The following TIAM1 variants were observed in gnomAD, a reference collection of about 807,000 sequenced individuals.
The protein encoded by TIAM1 is TIAM Rac1 associated GEF 1.
In TIAM1, 65 loss-of-function variants were observed where a neutral mutation model predicts 163.5. The ratio of observed to expected loss-of-function variants is 0.40; its 90% CI spans 0.33 to 0.49. TIAM1 has a LOEUF of 0.49. TIAM1 is among the 20% of genes least tolerant of loss of function. The pLI is 0.77. For missense variants in TIAM1, 1,789 were observed against 2,044.7 expected (o/e 0.87, Z 2.41); for synonymous variants, 833 against 810.1 (o/e 1.03, Z -0.48).
At chr21:31,348,828 T>C (rs2076190194), upstream of TIAM1, among the ~76,000 whole-genome samples, 1 of 152,226 alleles carries the variant, frequency 6.6e-6, no homozygotes, top group African/African-American at 2.4e-5. Context: ...TTCATTAAAT[T>C]TGATTTGATA....
chr21:31,511,593 C>T (rs2047212485), intron 1 of TIAM1, among the ~76,000 whole-genome samples: 1 of 152,158 alleles, frequency 6.6e-6, no homozygotes, highest in Admixed American at 6.5e-5. Flanking sequence ...GGCACCGAGT[C>T]CAAGCTATGC....
chr21:31,168,634 T>C (rs113118197), intron 15 of TIAM1, among the ~76,000 whole-genome samples: 1 of 152,136 alleles, frequency 6.6e-6, no homozygotes. Context: ...TCTCCTAACC[T>C]CGTGATCCAC....
intron 6 of TIAM1, among the ~76,000 whole-genome samples, chr21:31,240,231 G>A: frequency 6.6e-6 from 1 of 152,110 alleles, no homozygotes; most frequent in East Asian, 1.9e-4. Flanking sequence ...TGGGGTAGGA[G>A]GGTTAAGAAC....
intron 14 of TIAM1, 98 bp downstream of exon 14, chr21:31,186,903 A>G: frequency 9.8e-7 from 1 of 1,018,668 alleles, no homozygotes; most frequent in Non-Finnish European, 1.5e-6. Flanking sequence ...AATACTTTCC[A>G]CAAATGAATC....
intron 6 of TIAM1, among the ~76,000 whole-genome samples, chr21:31,229,897 C>T (rs2088309560): frequency 6.6e-6 from 1 of 152,204 alleles, no homozygotes; most frequent in Admixed American, 6.5e-5. Flanking sequence ...AGGTGATCCA[C>T]CCGCCTCGGC....
intron 16 of TIAM1, among the ~76,000 whole-genome samples, chr21:31,156,703 A>T (rs1284022092): frequency 6.6e-6 from 1 of 152,232 alleles, no homozygotes; most frequent in African/African-American, 2.4e-5. Context: ...AAAACTCATT[A>T]TAACACAGTC....
chr21:31,409,586 C>G (rs1057198120), intron 2 of TIAM1, among the ~76,000 whole-genome samples: 1 of 152,180 alleles, frequency 6.6e-6, no homozygotes, highest in Non-Finnish European at 1.5e-5. Context: ...ATGCTCAGCT[C>G]CACACACCAG....
Position 31,266,866 on chromosome 21 carries a change from G to A in TIAM1, c.107C>T (p.Thr36Met), listed in dbSNP as rs771171489. Residue 36 changes from threonine to methionine, a missense_variant, in exon 4 of 28, where the codon ACG becomes ATG. Physicochemically the swap from Thr to Met is moderately conservative, Grantham distance 81. Around this residue, in one of 5 missense-constraint regions of TIAM1, gnomAD observed 555 missense variants for 564.9 expected, o/e 0.98. Coordinates refer to ENST00000541036, the MANE Select transcript of TIAM1 (RefSeq NM_001353694.2). ...TSRSLRLSHK[T>M]RRTRHASSGK... ...CGAGGAAGCGTGCCTGGTCCTCCGC[G>A]TCTTGTGCGAGAGGCGCAGGGAGCG... 102 of 1,614,140 alleles carry A rather than the reference G, an allele frequency of 6.3e-5. 1 individual carries two copies. In the South Asian group the frequency reaches 6.7e-4, roughly 11 times the overall value.
At chr21:31,298,735 G>GGGGTGTGTGTGTGT (rs1555923380) in intron 2 of TIAM1, among the ~76,000 whole-genome samples, 4 of 138,482 alleles carry the variant, frequency 2.9e-5, no homozygotes, top group East Asian at 2.1e-4. Context: ...TCCAATTGAG[G>GGGGTGTGTGTGTGT]GTGTGTGTGT....
chr21:31,393,074 G>A (rs1182004986), intron 2 of TIAM1, among the ~76,000 whole-genome samples: 2 of 151,658 alleles, frequency 1.3e-5, no homozygotes, highest in Admixed American at 1.3e-4. Flanking sequence ...TCATGCCTCA[G>A]CCTCCCAAGT....
intron 15 of TIAM1, among the ~76,000 whole-genome samples, chr21:31,168,202 C>T (rs1031301002): frequency 6.6e-6 from 1 of 151,424 alleles, no homozygotes; most frequent in Non-Finnish European, 1.5e-5. Flanking sequence ...AAGTGATTCT[C>T]CTGCCTCAGC....
At chr21:31,296,830 A>AT (rs1332185724) in intron 2 of TIAM1, among the ~76,000 whole-genome samples, 27 of 152,036 alleles carry the variant, frequency 1.8e-4, no homozygotes, top group East Asian at 5.8e-4. Flanking sequence ...CGCCCAGCTA[A>AT]TTTTTTGTAT....
chr21:31,240,166 C>T lies in TIAM1; in HGVS notation c.1584+5322G>A, dbSNP rs117652354. Among the ~76,000 whole-genome samples, 578 of 152,168 alleles carry T rather than the reference C, an allele frequency of 3.8e-3. 2 individuals are homozygous for T. The highest frequency in any genetic ancestry group is 5.9e-3 in the Non-Finnish European group (401 of 68,004). On this transcript the variant is annotated intron_variant, in intron 6 of 27. Transcript: ENST00000541036. Reference sequence around the variant, plus strand: ...GGTATACTGGCATAACTGTTAATAGCGTCTACTCTCGAAAGTGTCCTGGTG... The same window carrying T: ...GGTATACTGGCATAACTGTTAATAGTGTCTACTCTCGAAAGTGTCCTGGTG...
rs1311460570 is a variant in TIAM1, at chr21:31,217,537, C to A, written c.2142+16G>T. The stretch of plus-strand genomic sequence containing the variant: ...TGATTTGTGCGGGCTCACTTTTCAT[C>A]TGCTCTGGAACCTACCTGATTGATG... On this transcript the variant is annotated intron_variant, in intron 9 of 27. Coordinates refer to ENST00000541036, the MANE Select transcript of TIAM1 (RefSeq NM_001353694.2). 6.2e-6 allele frequency: 10 copies of A among 1,610,566 alleles called. No homozygotes were observed. Among genetic ancestry groups the A allele is most frequent in the African/African-American group, 1.3e-5 (1 of 74,802 alleles).
chr21:31,367,383 G>A (rs2076521284), intron 2 of TIAM1, among the ~76,000 whole-genome samples: 1 of 152,134 alleles, frequency 6.6e-6, no homozygotes, highest in Non-Finnish European at 1.5e-5. Flanking sequence ...AACAGAATGG[G>A]ACTAGAAGTA....
intron 1 of TIAM1, among the ~76,000 whole-genome samples, chr21:31,526,478 T>G (rs1187252697): frequency 6.6e-6 from 1 of 152,232 alleles, no homozygotes; most frequent in African/African-American, 2.4e-5. Flanking sequence ...TAAGTCATTC[T>G]GAACAGAAAA....
intron 3 of TIAM1, among the ~76,000 whole-genome samples, chr21:31,274,795 G>A (rs2073216813): frequency 6.6e-6 from 1 of 152,124 alleles, no homozygotes; most frequent in Non-Finnish European, 1.5e-5. Context: ...CCTTGAGACA[G>A]CTAAAAATTT....
chr21:31,382,666 T>C (rs1201344429), intron 2 of TIAM1, among the ~76,000 whole-genome samples: 2 of 152,190 alleles, frequency 1.3e-5, no homozygotes, highest in Non-Finnish European at 2.9e-5. Flanking sequence ...TTTTGACAGT[T>C]TATAAAACAG....
At chr21:31,438,658 CT>C (rs2044308760) in intron 2 of TIAM1, among the ~76,000 whole-genome samples, 1 of 152,218 alleles carries the variant, frequency 6.6e-6, no homozygotes, top group Non-Finnish European at 1.5e-5. Context: ...CCCAAGTCCT[CT>C]TTTGTATCCC....
Sources: gnomAD v4.1 joint callset for allele counts (sites outside exome capture counted in the v4.1 genomes callset) on GRCh38, gnomAD v4.1.1 for gene constraint, gnomAD v4.1.1 regional missense constraint, MANE v1.5 for transcripts, NCBI Gene and HGNC (gene_info 2026-07-23, HGNC 2026-07-21) for gene names.